FAM81B: variants seen among roughly 807,000 people sequenced by gnomAD.
The protein encoded by FAM81B is protein FAM81B.
In FAM81B, 60 loss-of-function variants were observed where a neutral mutation model predicts 58.7. The ratio of observed to expected loss-of-function variants is 1.02; its 90% CI spans 0.83 to 1.27. The LOEUF (loss-of-function observed/expected upper bound fraction) is 1.27. Ranked by LOEUF, FAM81B falls within the 50% of genes most tolerant of loss-of-function variation. FAM81B has a pLI of 0.00. For synonymous variants in FAM81B, 189 were observed against 179.6 expected, an observed-to-expected ratio of 1.05 and a Z score of -0.42; for missense variants, 491 against 522.0, an observed-to-expected ratio of 0.94 and a Z score of 0.58.
At chr5:95,442,142 T>C (rs142309779) in intron 7 of FAM81B, among the ~76,000 whole-genome samples, 2 of 152,290 alleles carry the variant, frequency 1.3e-5, no homozygotes, top group African/African-American at 2.4e-5. Context: ...ACCCAACACA[T>C]TGAAATAGAA....
intron 5 of FAM81B, chr5:95,424,083 A>AGT: frequency 7.8e-7 from 1 of 1,289,792 alleles, no homozygotes; most frequent in Non-Finnish European, 1.0e-6. Context: ...ACCTGAGAGA[A>AGT]ACTGGCTGAA....
intron 3 of FAM81B, among the ~76,000 whole-genome samples, chr5:95,412,936 T>A (rs1304159796): frequency 6.6e-6 from 1 of 152,194 alleles, no homozygotes; most frequent in Non-Finnish European, 1.5e-5. Flanking sequence ...AGGAAGTCTA[T>A]CTTCTTTGAC....
chr5:95,394,693 G>A (rs370850545), intron 2 of FAM81B, among the ~76,000 whole-genome samples: 6 of 152,260 alleles, frequency 3.9e-5, no homozygotes, highest in East Asian at 1.9e-4. Context: ...TCAGCAATGC[G>A]GGGAGGGTAC....
At chr5:95,441,846 A>C (rs779559853) in intron 7 of FAM81B, among the ~76,000 whole-genome samples, 13 of 152,180 alleles carry the variant, frequency 8.5e-5, no homozygotes, top group Non-Finnish European at 1.3e-4. Context: ...GTAATGTCCT[A>C]AGCCTACTTA....
chr5:95,437,201 A>G (rs892185010), intron 7 of FAM81B, among the ~76,000 whole-genome samples: 1 of 152,166 alleles, frequency 6.6e-6, no homozygotes, highest in Non-Finnish European at 1.5e-5. Flanking sequence ...GCATATTAAA[A>G]TGTCTCAATG....
chr5:95,403,244 C>T lies in FAM81B; in HGVS notation c.293+7069C>T, dbSNP rs147624983. ...AGTGGAGTAATCTGTATTTTAACAG[C>T]TTCCCTCCCTCACCCTCCCCTGTGA... On this transcript the variant is annotated intron_variant, in intron 3 of 9. Transcript: ENST00000283357. Among the ~76,000 whole-genome samples the T allele has an allele frequency of 6.1e-3, 934 of 152,232 alleles. 6 individuals carry two copies. Among genetic ancestry groups the T allele is most frequent in the Non-Finnish European group, 0.01 (698 of 67,992 alleles).
intron 7 of FAM81B, 90 bp from the exon 8 acceptor site, chr5:95,446,472 G>A (rs995117368): frequency 1.1e-5 from 14 of 1,252,622 alleles, no homozygotes; most frequent in South Asian, 3.2e-5. Context: ...ACTGAGTCTC[G>A]TCACCTCAAA....
intron 5 of FAM81B, among the ~76,000 whole-genome samples, chr5:95,427,797 G>A (rs1182912739): frequency 2.0e-5 from 3 of 152,160 alleles, no homozygotes; most frequent in African/African-American, 7.2e-5. Context: ...ATATGTGAAA[G>A]TATACAGAAA....
At chr5:95,393,595 A>G (rs1334025844) in intron 2 of FAM81B, among the ~76,000 whole-genome samples, 1 of 152,184 alleles carries the variant, frequency 6.6e-6, no homozygotes. Flanking sequence ...GATTATCATC[A>G]TCATCTACAT....
intron 9 of FAM81B, among the ~76,000 whole-genome samples, chr5:95,449,726 T>C (rs1168158678): frequency 6.6e-6 from 1 of 152,148 alleles, no homozygotes; most frequent in East Asian, 1.9e-4. Flanking sequence ...AGGGGGCCGC[T>C]GTTAGGTCCC....
intron 3 of FAM81B, among the ~76,000 whole-genome samples, chr5:95,406,844 T>C (rs1441788590): frequency 1.3e-5 from 2 of 152,166 alleles, no homozygotes; most frequent in Admixed American, 1.3e-4. Context: ...GTCTAACTCA[T>C]TTCCTTTCTT....
intron 3 of FAM81B, among the ~76,000 whole-genome samples, chr5:95,407,383 TTC>T (rs1421355878): frequency 1.4e-5 from 2 of 141,862 alleles, no homozygotes; most frequent in Admixed American, 7.1e-5. Flanking sequence ...AAAATGCCTG[TTC>T]TCTTTTACAC....
intron 6 of FAM81B, among the ~76,000 whole-genome samples, chr5:95,429,642 T>C (rs1744792653): frequency 6.6e-6 from 1 of 152,206 alleles, no homozygotes; most frequent in South Asian, 2.1e-4. Flanking sequence ...TCTTTGTTTT[T>C]CAAGGTACTC....
intron 3 of FAM81B, among the ~76,000 whole-genome samples, chr5:95,411,570 A>T (rs3906363): frequency 6.6e-6 from 1 of 152,056 alleles, no homozygotes; most frequent in Admixed American, 6.5e-5. Flanking sequence ...GTATAAATGC[A>T]TAACACTATG....
chr5:95,403,547 T>C (rs1003129048), intron 3 of FAM81B, among the ~76,000 whole-genome samples: 4 of 152,234 alleles, frequency 2.6e-5, no homozygotes, highest in Non-Finnish European at 4.4e-5. Flanking sequence ...GTAGAAATAC[T>C]GATTAGCTCA....
At chr5:95,424,806 C>A (rs1437786693) in intron 5 of FAM81B, among the ~76,000 whole-genome samples, 3 of 144,400 alleles carry the variant, frequency 2.1e-5, no homozygotes, top group South Asian at 2.2e-4. Context: ...TTTCAAATTA[C>A]AGGCATCTTT....
Position 95,396,140 on chromosome 5 carries a change from C to A in FAM81B, c.258C>A (p.Thr86=). 1 of 1,607,696 alleles carries A rather than the reference C, an allele frequency of 6.2e-7. No homozygotes were observed. The highest frequency in any genetic ancestry group is 8.5e-7 in the Non-Finnish European group (1 of 1,177,754). Residue 86 remains threonine (T), a synonymous_variant, in exon 3 of 10, where the codon ACC becomes ACA. Transcript: ENST00000283357. The stretch of plus-strand genomic sequence containing the variant: ...GATTATCTCCAGCCAAAATGTCAAC[C>A]AAGAATTCTACAGATCTAGTTGAAT... ...KVRLSPAKMS[T]KNSTDLVEYV... is the part of the protein sequence containing the mutation.
intron 6 of FAM81B, among the ~76,000 whole-genome samples, chr5:95,436,589 T>C (rs1465303209): frequency 6.6e-6 from 1 of 152,242 alleles, no homozygotes; most frequent in Non-Finnish European, 1.5e-5. Context: ...CTCCCTATTA[T>C]TCTTTCCTTG....
chr5:95,433,138 T>G (rs1445933844), intron 6 of FAM81B, among the ~76,000 whole-genome samples: 8 of 152,170 alleles, frequency 5.3e-5, no homozygotes, highest in Non-Finnish European at 1.0e-4. Flanking sequence ...TATTAGTCTG[T>G]TCTCACACTG....
Sources: gnomAD v4.1 joint callset for allele counts (sites outside exome capture counted in the v4.1 genomes callset) on GRCh38, gnomAD v4.1.1 for gene constraint, MANE v1.5 for transcripts, NCBI Gene and HGNC (gene_info 2026-07-23, HGNC 2026-07-21) for gene names.